ARHGAP10: variants seen among roughly 807,000 people sequenced by gnomAD.
The protein encoded by ARHGAP10 is rho GTPase-activating protein 10.
In ARHGAP10, 87 loss-of-function variants were observed where a neutral mutation model predicts 108.6. The ratio of observed to expected loss-of-function variants is 0.80; its 90% CI spans 0.67 to 0.96. The LOEUF is 0.96. Among genes scored for constraint, ARHGAP10 ranks in the 40% least tolerant of loss-of-function variants. The pLI, the probability that ARHGAP10 is intolerant of heterozygous loss-of-function variation, is 0.00. For synonymous variants in ARHGAP10, 347 were observed against 341.1 expected (o/e 1.02, Z -0.19); for missense variants, 939 against 954.5 (o/e 0.98, Z 0.21).
chr4:147,856,771 C>T (rs1267318911), intron 4 of ARHGAP10, among the ~76,000 whole-genome samples: 2 of 152,176 alleles, frequency 1.3e-5, no homozygotes, highest in Non-Finnish European at 2.9e-5. Context: ...TGTATTCATA[C>T]TGGACCATTA....
chr4:147,852,908 G>T (rs966304237), intron 4 of ARHGAP10, among the ~76,000 whole-genome samples: 1 of 151,600 alleles, frequency 6.6e-6, no homozygotes, highest in Non-Finnish European at 1.5e-5. Flanking sequence ...AGTAGAGATG[G>T]GGGGTTTCAC....
chr4:147,970,647 G>T (rs1213631733), intron 18 of ARHGAP10, among the ~76,000 whole-genome samples: 1 of 152,160 alleles, frequency 6.6e-6, no homozygotes, highest in African/African-American at 2.4e-5. Flanking sequence ...AAGCAAGATT[G>T]CTCTAGATGA....
intron 13 of ARHGAP10, among the ~76,000 whole-genome samples, chr4:147,921,803 T>C (rs981078806): frequency 6.6e-6 from 1 of 152,186 alleles, no homozygotes; most frequent in African/African-American, 2.4e-5. Context: ...ATCTGGCTTC[T>C]GGTGCCCCTG....
intron 10 of ARHGAP10, among the ~76,000 whole-genome samples, chr4:147,896,986 C>T (rs900146201): frequency 2.6e-5 from 4 of 151,764 alleles, no homozygotes; most frequent in African/African-American, 7.3e-5. Context: ...TATTGAATAT[C>T]GAAAGGATTT....
chr4:147,852,755 G>A (rs1163663961), intron 4 of ARHGAP10, among the ~76,000 whole-genome samples: 2 of 106,656 alleles, frequency 1.9e-5, no homozygotes, highest in Non-Finnish European at 3.6e-5. Context: ...TTTCGCCCTT[G>A]TCACCCAGGC....
chr4:148,054,781 T>C (rs1279924277), intron 20 of ARHGAP10, among the ~76,000 whole-genome samples: 1 of 152,198 alleles, frequency 6.6e-6, no homozygotes, highest in East Asian at 1.9e-4. Context: ...TTATAACTTA[T>C]TCTGAGCCGT....
At chr4:147,869,572 A>G (rs950397129) in intron 7 of ARHGAP10, among the ~76,000 whole-genome samples, 1 of 150,692 alleles carries the variant, frequency 6.6e-6, no homozygotes, top group Non-Finnish European at 1.5e-5. Context: ...TGGGGAAATG[A>G]CAGTTTATTG....
chr4:148,026,507 A>G (rs1382129540), intron 19 of ARHGAP10, among the ~76,000 whole-genome samples: 1 of 152,244 alleles, frequency 6.6e-6, no homozygotes, highest in Non-Finnish European at 1.5e-5. Flanking sequence ...GCATCTAGCC[A>G]TACTGTGTAT....
At chr4:147,891,332 G>A (rs1735787670) in intron 10 of ARHGAP10, among the ~76,000 whole-genome samples, 1 of 152,196 alleles carries the variant, frequency 6.6e-6, no homozygotes, top group African/African-American at 2.4e-5. Flanking sequence ...ATAATGCTAA[G>A]TGAAAGAAGC....
intron 18 of ARHGAP10, among the ~76,000 whole-genome samples, chr4:147,992,273 C>T (rs1211972428): frequency 1.3e-5 from 2 of 152,160 alleles, no homozygotes; most frequent in Non-Finnish European, 1.5e-5. Context: ...GGTGTTGCCA[C>T]GTTTGTCCTG....
intron 1 of ARHGAP10, among the ~76,000 whole-genome samples, chr4:147,751,849 G>T (rs540542033): frequency 6.6e-6 from 1 of 151,372 alleles, no homozygotes; most frequent in African/African-American, 2.4e-5. Flanking sequence ...GGTAGCTGAG[G>T]CTCCTGCAAG....
At chr4:148,024,664 A>G (rs1270906251) in intron 19 of ARHGAP10, among the ~76,000 whole-genome samples, 1 of 152,248 alleles carries the variant, frequency 6.6e-6, no homozygotes, top group Non-Finnish European at 1.5e-5. Context: ...AATCATTACA[A>G]TTAAGCTATA....
At chr4:147,807,482 T>C (rs907188407) in intron 1 of ARHGAP10, among the ~76,000 whole-genome samples, 9 of 152,146 alleles carry the variant, frequency 5.9e-5, no homozygotes, top group East Asian at 5.8e-4. Context: ...TTAAAGAGAA[T>C]TTTTCTGAAA....
intron 10 of ARHGAP10, among the ~76,000 whole-genome samples, chr4:147,901,536 A>G (rs757625929): frequency 3.9e-5 from 6 of 152,236 alleles, no homozygotes; most frequent in Non-Finnish European, 7.3e-5. Context: ...ATCTTTCAAC[A>G]AATTTGTTCT....
intron 1 of ARHGAP10, among the ~76,000 whole-genome samples, chr4:147,803,969 G>A (rs1221947446): frequency 6.6e-6 from 1 of 151,742 alleles, no homozygotes; most frequent in East Asian, 1.9e-4. Context: ...TGGGAATGCT[G>A]GATCATATGG....
At chr4:147,953,926 C>T (rs1738698786) in intron 15 of ARHGAP10, among the ~76,000 whole-genome samples, 1 of 151,810 alleles carries the variant, frequency 6.6e-6, no homozygotes, top group African/African-American at 2.4e-5. Flanking sequence ...ACTGCTTTAC[C>T]AACATCCCTC....
chr4:147,825,841 A>G (rs1030558285), intron 3 of ARHGAP10, among the ~76,000 whole-genome samples: 7 of 152,160 alleles, frequency 4.6e-5, no homozygotes, highest in South Asian at 2.1e-4. Context: ...GCGCATACCT[A>G]TTGATCTCTT....
chr4:147,828,015 A>G (rs1334758252), intron 3 of ARHGAP10, among the ~76,000 whole-genome samples: 1 of 152,206 alleles, frequency 6.6e-6, no homozygotes, highest in Non-Finnish European at 1.5e-5. Flanking sequence ...CATGTTGGCC[A>G]GATGATCTCA....
intron 1 of ARHGAP10, among the ~76,000 whole-genome samples, chr4:147,750,337 G>A (rs996340020): frequency 2.6e-5 from 4 of 152,214 alleles, no homozygotes; most frequent in South Asian, 4.1e-4. Context: ...TGACTGTGGC[G>A]TCAGTTTAAT....
Sources: gnomAD v4.1 joint callset for allele counts (sites outside exome capture counted in the v4.1 genomes callset) on GRCh38, gnomAD v4.1.1 for gene constraint, MANE v1.5 for transcripts, NCBI Gene and HGNC (gene_info 2026-07-23, HGNC 2026-07-21) for gene names.